FRMPD1: variants seen among roughly 807,000 people sequenced by gnomAD.
The protein encoded by FRMPD1 is FERM and PDZ domain containing 1, also known as FERM and PDZ domain-containing protein 1.
FRMPD1 carries 76 observed loss-of-function variants against 117.8 expected under a neutral mutation model. The observed-to-expected ratio is 0.65, with a 90% CI of 0.54 to 0.78. The LOEUF (loss-of-function observed/expected upper bound fraction) is 0.78. Ranked by LOEUF, FRMPD1 falls within the 30% of genes least tolerant of loss-of-function variation. FRMPD1 has a pLI of 0.00. For synonymous variants in FRMPD1, 783 were observed against 770.4 expected (o/e 1.02, Z -0.27); for missense variants, 1,786 against 1,964.5 (o/e 0.91, Z 1.72).
intron 1 of FRMPD1, among the ~76,000 whole-genome samples, chr9:37,676,112 C>G (rs754655185): frequency 2.0e-5 from 3 of 152,210 alleles, no homozygotes; most frequent in Non-Finnish European, 4.4e-5. Flanking sequence ...ATCACTTTTA[C>G]AGTTGTACCC....
intron 9 of FRMPD1, among the ~76,000 whole-genome samples, chr9:37,731,725 T>C (rs1823890772): frequency 1.3e-5 from 2 of 151,970 alleles, no homozygotes; most frequent in Admixed American, 6.6e-5. Flanking sequence ...TACAAAAAAT[T>C]AGCCAGCCGT....
chr9:37,644,080 G>A, the FRMPD1 span, among the ~76,000 whole-genome samples: 17 of 152,200 alleles, frequency 1.1e-4, no homozygotes, highest in African/African-American at 2.4e-5. Flanking sequence ...TATCTGAGAG[G>A]GGAAGCTTTT....
intron 4 of FRMPD1, among the ~76,000 whole-genome samples, chr9:37,710,286 G>A (rs1822857666): frequency 6.6e-6 from 1 of 152,168 alleles, no homozygotes; most frequent in African/African-American, 2.4e-5. Flanking sequence ...CACACCAGCA[G>A]CAATTGGCCT....
At chr9:37,624,434 A>C in the FRMPD1 span, among the ~76,000 whole-genome samples, 1 of 152,230 alleles carries the variant, frequency 6.6e-6, no homozygotes, top group Non-Finnish European at 1.5e-5. Context: ...ATAGTGCTAC[A>C]TTCTGCCATA....
At chr9:37,711,505 G>A (rs1200197401) in intron 5 of FRMPD1, 110 bp downstream of exon 5, 7 of 833,622 alleles carry the variant, frequency 8.4e-6, no homozygotes, top group African/African-American at 5.0e-5. Flanking sequence ...AAAGGGTGGA[G>A]GGTGACAGCT....
the FRMPD1 span, among the ~76,000 whole-genome samples, chr9:37,644,209 A>G: frequency 6.6e-6 from 1 of 152,202 alleles, no homozygotes; most frequent in Non-Finnish European, 1.5e-5. Context: ...GTCTTCCCAC[A>G]GAGCTATTTG....
intron 12 of FRMPD1, 139 bp downstream of exon 12, chr9:37,733,964 C>T (rs1824010012): frequency 4.7e-6 from 3 of 641,816 alleles, no homozygotes; most frequent in Non-Finnish European, 2.8e-6. Flanking sequence ...AATAGTACAC[C>T]ACTGGAAAAT....
the FRMPD1 span, chr9:37,636,717 C>T: frequency 6.3e-7 from 1 of 1,580,144 alleles, no homozygotes; most frequent in African/African-American, 1.4e-5. Flanking sequence ...GCCGGCTTTA[C>T]AGGGGTGCTG....
upstream of FRMPD1, chr9:37,650,948 C>T (rs1389182976): frequency 1.3e-5 from 2 of 150,808 alleles, no homozygotes; most frequent in East Asian, 1.9e-4. Context: ...GCAGCCTCGG[C>T]GCGGGAGGCG....
chr9:37,669,770 G>T (rs773521565), intron 1 of FRMPD1: 3 of 152,136 alleles, frequency 2.0e-5, no homozygotes, highest in Non-Finnish European at 2.9e-5. Flanking sequence ...GAGGCGGGTG[G>T]ATCACCTGGG....
chr9:37,695,258 T>C (rs1822279438), intron 2 of FRMPD1, among the ~76,000 whole-genome samples: 1 of 152,220 alleles, frequency 6.6e-6, no homozygotes, highest in Admixed American at 6.5e-5. Flanking sequence ...GGCCATACCA[T>C]TCTACATTTC....
chr9:37,680,259 G>A (rs1312945830), intron 1 of FRMPD1, among the ~76,000 whole-genome samples: 1 of 152,080 alleles, frequency 6.6e-6, no homozygotes, highest in African/African-American at 2.4e-5. Context: ...GAAATGTGAG[G>A]GGCATGACGA....
chr9:37,649,877 T>C (rs183041296), upstream of FRMPD1, among the ~76,000 whole-genome samples: 28 of 152,286 alleles, frequency 1.8e-4, no homozygotes, highest in Admixed American at 7.8e-4. Flanking sequence ...CTCTCTCATC[T>C]TGGGGTCTTT....
At chr9:37,736,676 C>T (rs1824143436) in intron 13 of FRMPD1, among the ~76,000 whole-genome samples, 1 of 152,110 alleles carries the variant, frequency 6.6e-6, no homozygotes, top group Non-Finnish European at 1.5e-5. Flanking sequence ...CCTCATTCTC[C>T]ACATGTTCTT....
At chr9:37,733,947 T>C in intron 12 of FRMPD1, 122 bp downstream of exon 12, 1 of 682,202 alleles carries the variant, frequency 1.5e-6, no homozygotes, top group Non-Finnish European at 2.6e-6. Context: ...ATTTGTCTGG[T>C]AAACTAAATA....
At chr9:37,734,444 A>G (rs1302901976) in intron 12 of FRMPD1, among the ~76,000 whole-genome samples, 1 of 151,662 alleles carries the variant, frequency 6.6e-6, no homozygotes, top group Admixed American at 6.6e-5. Context: ...CTCTCTTCCC[A>G]TTCTCCTGCC....
the FRMPD1 span, among the ~76,000 whole-genome samples, chr9:37,624,010 A>G: frequency 3.9e-5 from 6 of 152,104 alleles, no homozygotes; most frequent in African/African-American, 1.4e-4. Context: ...GGAAGACAGG[A>G]TCTAGCTGAG....
At chr9:37,728,943 A>T (rs1823735734) in intron 7 of FRMPD1, among the ~76,000 whole-genome samples, 1 of 147,762 alleles carries the variant, frequency 6.8e-6, no homozygotes, top group African/African-American at 2.5e-5. Flanking sequence ...AGCCTGGGCG[A>T]CAGAGCGAGA....
At chr9:37,720,624 G>A (rs1335204753) in intron 6 of FRMPD1, among the ~76,000 whole-genome samples, 9 of 152,084 alleles carry the variant, frequency 5.9e-5, no homozygotes, top group East Asian at 1.9e-4. Flanking sequence ...AGCCGAGATC[G>A]CGCCACTGCA....
Sources: allele counts gnomAD v4.1 joint callset (sites outside exome capture counted in the v4.1 genomes callset), GRCh38; gene constraint gnomAD v4.1.1; transcripts MANE v1.5; gene names NCBI Gene and HGNC (gene_info 2026-07-23, HGNC 2026-07-21).